AK8: variants seen among roughly 807,000 people sequenced by gnomAD.
AK8 encodes the protein adenylate kinase 8, also known as ATP-AMP transphosphorylase 8.
In AK8, 44 loss-of-function variants were observed where a neutral mutation model predicts 54.6. The ratio of observed to expected loss-of-function variants is 0.81; its 90% CI spans 0.63 to 1.04. AK8 has a LOEUF of 1.04. Ranked by LOEUF, AK8 falls within the 50% of genes least tolerant of loss-of-function variation. AK8 has a pLI of 0.00. For synonymous variants in AK8, 239 were observed against 245.6 expected, an observed-to-expected ratio of 0.97 and a Z score of 0.25; for missense variants, 555 against 613.6, an observed-to-expected ratio of 0.90 and a Z score of 1.01.
At chr9:132,820,621 T>C (rs1189206913) in intron 9 of AK8, among the ~76,000 whole-genome samples, 4 of 152,256 alleles carry the variant, frequency 2.6e-5, no homozygotes, top group Non-Finnish European at 4.4e-5. Context: ...GCGCAGTTAG[T>C]GCTTTAACCA....
chr9:132,859,323 T>C (rs1191836072), intron 4 of AK8, among the ~76,000 whole-genome samples: 2 of 152,066 alleles, frequency 1.3e-5, no homozygotes, highest in Non-Finnish European at 2.9e-5. Context: ...GGAACCATCA[T>C]GGCTCACTGC....
intron 11 of AK8, among the ~76,000 whole-genome samples, chr9:132,768,697 T>C (rs908305915): frequency 6.6e-6 from 1 of 152,226 alleles, no homozygotes; most frequent in African/African-American, 2.4e-5. Context: ...ATGCTAGTTG[T>C]TGCATTGTAA....
intron 11 of AK8, among the ~76,000 whole-genome samples, chr9:132,738,987 T>C (rs2130966665): frequency 6.6e-6 from 1 of 151,794 alleles, no homozygotes; most frequent in Non-Finnish European, 1.5e-5. Flanking sequence ...ATTCCTGGGC[T>C]GAAGTGACCC....
At chr9:132,817,619 A>G (rs1227943065) in intron 9 of AK8, among the ~76,000 whole-genome samples, 1 of 152,226 alleles carries the variant, frequency 6.6e-6, no homozygotes, top group African/African-American at 2.4e-5. Context: ...GTGTGCTGCA[A>G]TCAGTGAATT....
At chr9:132,731,279 A>G (rs538598842) in intron 11 of AK8, among the ~76,000 whole-genome samples, 1 of 152,274 alleles carries the variant, frequency 6.6e-6, no homozygotes, top group East Asian at 1.9e-4. Flanking sequence ...GGAGGTGGCT[A>G]TGGGTGCCAA....
At chr9:132,877,691 C>T (rs908505482) in intron 1 of AK8, 1 of 378,586 alleles carries the variant, frequency 2.6e-6, no homozygotes, top group African/African-American at 2.1e-5. Context: ...TGCTGCTGTC[C>T]CAGAGGCGGC....
intron 4 of AK8, chr9:132,861,707 C>A (rs976248449): frequency 2.2e-4 from 34 of 152,182 alleles, no homozygotes; most frequent in African/African-American, 7.0e-4. Context: ...ATCATTACTA[C>A]TTGCAAAAAG....
intron 11 of AK8, among the ~76,000 whole-genome samples, chr9:132,792,018 C>T (rs1369133598): frequency 1.3e-5 from 2 of 152,234 alleles, no homozygotes; most frequent in Non-Finnish European, 2.9e-5. Flanking sequence ...AATGCTGTCA[C>T]CTCCGCTGCC....
chr9:132,740,262 T>C (rs574372322), intron 11 of AK8, among the ~76,000 whole-genome samples: 1 of 152,352 alleles, frequency 6.6e-6, no homozygotes, highest in South Asian at 2.1e-4. Flanking sequence ...TCTGGTTTTA[T>C]GTAATCCTCA....
At chr9:132,759,200 A>G (rs1838338290) in intron 11 of AK8, among the ~76,000 whole-genome samples, 1 of 151,518 alleles carries the variant, frequency 6.6e-6, no homozygotes, top group Non-Finnish European at 1.5e-5. Flanking sequence ...GGTCTCAAAA[A>G]AAAAAAAAAA....
chr9:132,854,842 T>G lies in AK8; in HGVS notation c.402+15A>C. 3 of 1,613,996 alleles carry G rather than the reference T, an allele frequency of 1.9e-6. No homozygotes were observed. Among genetic ancestry groups the G allele is most frequent in the Non-Finnish European group, 2.5e-6 (3 of 1,179,966 alleles). The stretch of plus-strand genomic sequence containing the variant: ...TTATCTTGGCACTGAAACCCCTAGC[T>G]CACTGGAGTCTTACCTGCTTGATGC... On this transcript the variant is annotated intron_variant, in intron 5 of 12. Transcript: ENST00000298545.
At chr9:132,874,626 G>A (rs1472420049) in intron 2 of AK8, among the ~76,000 whole-genome samples, 4 of 152,134 alleles carry the variant, frequency 2.6e-5, no homozygotes, top group East Asian at 1.9e-4. Flanking sequence ...GACCTGCACC[G>A]GCCAACTGCA....
Position 132,850,220 on chromosome 9 carries a change from A to ATT in AK8, c.402+4635_402+4636dup, listed in dbSNP as rs34506307. Among the ~76,000 whole-genome samples the ATT allele has an allele frequency of 3.4e-3, 423 of 123,000 alleles. 1 individual carries two copies. Among genetic ancestry groups the ATT allele is most frequent in the African/African-American group, 4.7e-3 (152 of 32,468 alleles). The allele number at this position is 123,000 out of a possible 152,430, so 80.7% of individuals were successfully genotyped here. ...AGGCACCCACCACCATGCCCAGCTA[A>ATT]TTTTTTTTTTTTTTTTTGAGACAGA... On this transcript the variant is annotated intron_variant, in intron 5 of 12. Transcript: ENST00000298545.
rs540246063 is a variant in AK8 at position 132,793,558 on chromosome 9, C to T, written c.980-783G>A. On this transcript the variant is annotated intron_variant, in intron 10 of 12. Coordinates refer to ENST00000298545, the MANE Select transcript of AK8 (RefSeq NM_152572.3). ...CCCAAAATTCTCCAATTCTCCCATC[C>T]TTGATGCTTAGAACGAAGTCTCTCC... is the stretch of plus-strand genomic sequence containing the variant. Among the ~76,000 whole-genome samples, 11 of 152,316 alleles carry T rather than the reference C, an allele frequency of 7.2e-5. No individual in the cohort carries two copies. In the East Asian group the frequency reaches 2.1e-3, roughly 29 times the overall value.
chr9:132,854,780 G>A, intron 5 of AK8, 77 bp downstream of exon 5: 1 of 1,467,674 alleles, frequency 6.8e-7, no homozygotes, highest in Non-Finnish European at 9.5e-7. Context: ...GGTCATCTCT[G>A]GTCTTGGAGA....
At chr9:132,806,184 C>T (rs770783153) in intron 10 of AK8, among the ~76,000 whole-genome samples, 1 of 151,706 alleles carries the variant, frequency 6.6e-6, no homozygotes, top group Non-Finnish European at 1.5e-5. Flanking sequence ...AGTTGCACTG[C>T]GGGGCCCCTA....
chr9:132,761,493 C>A (rs554861047), intron 11 of AK8, among the ~76,000 whole-genome samples: 2 of 152,238 alleles, frequency 1.3e-5, no homozygotes, highest in Non-Finnish European at 2.9e-5. Flanking sequence ...AAACTCCTGG[C>A]TTCACGTATC....
At chr9:132,779,529 T>C (rs1839372331) in intron 11 of AK8, among the ~76,000 whole-genome samples, 1 of 152,048 alleles carries the variant, frequency 6.6e-6, no homozygotes, top group Non-Finnish European at 1.5e-5. Flanking sequence ...GAAGACAAAC[T>C]CTCCCCTACA....
intron 9 of AK8, among the ~76,000 whole-genome samples, chr9:132,820,967 T>C (rs1841571857): frequency 6.6e-6 from 1 of 152,158 alleles, no homozygotes; most frequent in African/African-American, 2.4e-5. Context: ...ATGTGAACTT[T>C]CTGAGATAGT....
Sources: gnomAD v4.1 joint callset for allele counts (sites outside exome capture counted in the v4.1 genomes callset) on GRCh38, gnomAD v4.1.1 for gene constraint, MANE v1.5 for transcripts, NCBI Gene and HGNC (gene_info 2026-07-23, HGNC 2026-07-21) for gene names.